CIMIP2A: variants seen among roughly 807,000 people sequenced by gnomAD.
CIMIP2A encodes the protein ciliary microtubule inner protein 2A, also known as family with sequence similarity 166 member A.
At chr9:137,245,619 G>A in the CIMIP2A span, 60 of 1,611,272 alleles carry the variant, frequency 3.7e-5, no homozygotes, top group South Asian at 1.5e-4. Flanking sequence ...AGGGTGCAGG[G>A]CTGGGGACTG....
At chr9:137,253,493 T>C in the CIMIP2A span, 2 of 1,427,432 alleles carry the variant, frequency 1.4e-6, no homozygotes, top group South Asian at 1.5e-5. Context: ...AGCTCTGTGG[T>C]GTGCAGTTGT....
the CIMIP2A span, among the ~76,000 whole-genome samples, chr9:137,253,981 T>C: frequency 6.6e-6 from 1 of 152,276 alleles, no homozygotes; most frequent in East Asian, 1.9e-4. Context: ...GCTGGGACCC[T>C]GCACTGCCCC....
chr9:137,246,633 G>A, the CIMIP2A span, among the ~76,000 whole-genome samples: 16 of 152,212 alleles, frequency 1.1e-4, 1 homozygote, highest in South Asian at 2.7e-3. Flanking sequence ...CATTGGTGGC[G>A]GGCCCTGTAG....
At chr9:137,244,898 G>A in the CIMIP2A span, 2 of 1,580,768 alleles carry the variant, frequency 1.3e-6, no homozygotes, top group Non-Finnish European at 1.7e-6. Flanking sequence ...GGCAGGCAAG[G>A]CACCGCCTCG....
chr9:137,244,404 C>T, the CIMIP2A span: 21 of 1,568,310 alleles, frequency 1.3e-5, no homozygotes, highest in Non-Finnish European at 1.6e-5. Flanking sequence ...GCTGCTAATG[C>T]TCCCAGCCTT....
chr9:137,245,046 G>C, the CIMIP2A span: 28 of 1,610,104 alleles, frequency 1.7e-5, no homozygotes, highest in Non-Finnish European at 2.3e-5. Context: ...GAACCTTGTG[G>C]GGAGGGGCGG....
At chr9:137,244,794 AC>A in the CIMIP2A span, 2 of 1,591,610 alleles carry the variant, frequency 1.3e-6, no homozygotes, top group Admixed American at 1.8e-5. Context: ...CCCTGGGCAC[AC>A]CCACCTGCCC....
the CIMIP2A span, chr9:137,243,913 T>TG: frequency 8.7e-7 from 1 of 1,146,324 alleles, no homozygotes; most frequent in Non-Finnish European, 1.3e-6. Context: ...GTGGGGAACT[T>TG]GCTTGTTGAA....
At chr9:137,244,219 T>C in the CIMIP2A span, 1,099 of 1,613,774 alleles carry the variant, frequency 6.8e-4, no homozygotes, top group Non-Finnish European at 8.9e-4. Context: ...CTGCTGTAGA[T>C]GTGGTTGCTG....
the CIMIP2A span, chr9:137,245,306 C>T: frequency 1.9e-6 from 3 of 1,583,082 alleles, no homozygotes; most frequent in Non-Finnish European, 2.6e-6. Flanking sequence ...CCCCTGGCTG[C>T]CTGGTGCTGC....
chr9:137,244,582 C>T, the CIMIP2A span: 8 of 1,595,256 alleles, frequency 5.0e-6, no homozygotes, highest in East Asian at 2.3e-5. Context: ...GGGAAGCTGC[C>T]AGGCAGGAGA....
the CIMIP2A span, chr9:137,252,867 A>G: frequency 3.3e-5 from 53 of 1,586,634 alleles, no homozygotes; most frequent in Non-Finnish European, 4.5e-5. Context: ...CCTGGCCCCA[A>G]CACCTACAAT....
the CIMIP2A span, chr9:137,251,112 C>T: frequency 3.2e-5 from 20 of 617,714 alleles, no homozygotes; most frequent in African/African-American, 1.7e-4. Context: ...CTGGCCCAGG[C>T]GGACCCGCTG....
At chr9:137,246,143 A>C in the CIMIP2A span, among the ~76,000 whole-genome samples, 1 of 152,214 alleles carries the variant, frequency 6.6e-6, no homozygotes, top group African/African-American at 2.4e-5. Context: ...CCCACCCCTC[A>C]TTCCAACTGC....
the CIMIP2A span, among the ~76,000 whole-genome samples, chr9:137,254,846 G>C: frequency 0.014 from 2,070 of 152,290 alleles, 46 homozygotes; most frequent in African/African-American, 0.047. Flanking sequence ...GTCTCCGCCA[G>C]GCCCCGGCCC....
the CIMIP2A span, chr9:137,252,413 T>G: frequency 6.2e-7 from 1 of 1,603,694 alleles, no homozygotes; most frequent in Admixed American, 1.7e-5. Flanking sequence ...CCCAGCCTTC[T>G]CTCTCTCCAT....
At chr9:137,254,024 T>C in the CIMIP2A span, among the ~76,000 whole-genome samples, 17 of 150,842 alleles carry the variant, frequency 1.1e-4, no homozygotes, top group Admixed American at 1.1e-3. Flanking sequence ...GGGCCTCCCT[T>C]GTCATCACTG....
the CIMIP2A span, chr9:137,252,078 GTAC>G: frequency 6.2e-7 from 1 of 1,612,716 alleles, no homozygotes; most frequent in East Asian, 2.2e-5. Flanking sequence ...GAGCCCGTCC[GTAC>G]GAGAGTCCTC....
chr9:137,252,605 G>A, the CIMIP2A span: 2 of 1,517,244 alleles, frequency 1.3e-6, no homozygotes, highest in Non-Finnish European at 1.8e-6. Flanking sequence ...AAGGGGGGCT[G>A]GCTGAGGGTC....
Sources: gnomAD v4.1 joint callset for allele counts (sites outside exome capture counted in the v4.1 genomes callset) on GRCh38, gnomAD v4.1.1 for gene constraint, MANE v1.5 for transcripts, NCBI Gene and HGNC (gene_info 2026-07-23, HGNC 2026-07-21) for gene names.